Variants in MAPK10 observed in about 807,000 individuals in gnomAD.
MAPK10 encodes JNK3 alpha protein kinase.
A neutral mutation model predicts 59.3 loss-of-function variants in MAPK10; 25 were observed. That is an observed-to-expected ratio of 0.42 (90% CI 0.31 to 0.59). The LOEUF (loss-of-function observed/expected upper bound fraction) is 0.59. MAPK10 is among the 20% of genes least tolerant of loss of function. MAPK10 has a pLI of 0.15. For synonymous variants in MAPK10, 190 were observed against 200.5 expected, an observed-to-expected ratio of 0.95 and a Z score of 0.44; for missense variants, 351 against 568.9, an observed-to-expected ratio of 0.62 and a Z score of 3.90.
chr4:86,120,386 C>T (rs970069388), intron 4 of MAPK10: 2 of 152,174 alleles, frequency 1.3e-5, no homozygotes, highest in Non-Finnish European at 1.5e-5. Context: ...TACTTTACAA[C>T]CCATCAGCAA....
At chr4:86,275,133 A>G (rs932889323) in intron 2 of MAPK10, among the ~76,000 whole-genome samples, 1 of 152,114 alleles carries the variant, frequency 6.6e-6, no homozygotes, top group African/African-American at 2.4e-5. Context: ...GTAACAATTT[A>G]TTCACAGGAT....
intron 4 of MAPK10, among the ~76,000 whole-genome samples, chr4:86,116,770 C>T (rs1265924739): frequency 6.6e-6 from 1 of 152,186 alleles, no homozygotes; most frequent in East Asian, 1.9e-4. Context: ...TTTCCTCATA[C>T]TTAAAATGAA....
chr4:86,381,820 G>A (rs1740757453), intron 1 of MAPK10, among the ~76,000 whole-genome samples: 1 of 152,144 alleles, frequency 6.6e-6, no homozygotes, highest in African/African-American at 2.4e-5. Context: ...ACAGTGGATA[G>A]TGCTTAACAC....
intron 2 of MAPK10, among the ~76,000 whole-genome samples, chr4:86,232,189 G>A: frequency 6.6e-6 from 1 of 152,110 alleles, no homozygotes; most frequent in African/African-American, 2.4e-5. Flanking sequence ...AAAAACAGCT[G>A]GTAGACCAAA....
intron 4 of MAPK10, among the ~76,000 whole-genome samples, chr4:86,150,600 G>A (rs1327245811): frequency 2.6e-5 from 4 of 152,160 alleles, no homozygotes; most frequent in Non-Finnish European, 4.4e-5. Context: ...GGTGGCTCAC[G>A]CCTGTAATCT....
chr4:86,294,584 T>C (rs150754368), intron 2 of MAPK10, among the ~76,000 whole-genome samples: 1 of 150,278 alleles, frequency 6.7e-6, no homozygotes, highest in African/African-American at 2.4e-5. Flanking sequence ...CATTGAAAAA[T>C]AGCCAGAGCA....
intron 1 of MAPK10, among the ~76,000 whole-genome samples, chr4:86,507,419 T>C (rs1303431634): frequency 6.6e-6 from 1 of 151,224 alleles, no homozygotes. Flanking sequence ...AGGGCAATAA[T>C]CATTATCCAC....
At chr4:86,242,040 G>T (rs2869422) in intron 2 of MAPK10, among the ~76,000 whole-genome samples, 21,952 of 151,798 alleles carry the variant, frequency 0.14, 1,575 homozygotes, top group Middle Eastern at 0.2. Flanking sequence ...GTTGTTGTTG[G>T]TGGTGGTGGT....
At position 86,448,929 on chromosome 4, in the gene MAPK10, G is replaced by A. The variant is rs554264948; in HGVS notation, c.-122+4101C>T. On this transcript the variant is annotated intron_variant, in intron 1 of 13. Coordinates refer to the MAPK10 transcript ENST00000361569. ...GATCATCAGGCATTAGATTCTTATA[G>A]GTAGCGTGCAACCAAGATCCCTTGC... Among the ~76,000 whole-genome samples the A allele has an allele frequency of 5.3e-5, 8 of 152,248 alleles. 1 individual carries two copies. The South Asian group carries it at 1.7e-3, about 32-fold the overall frequency.
intron 1 of MAPK10, among the ~76,000 whole-genome samples, chr4:86,506,661 C>T (rs962112780): frequency 2.6e-5 from 4 of 152,102 alleles, no homozygotes; most frequent in Non-Finnish European, 4.4e-5. Context: ...GAAGGCAGCA[C>T]ACAAAGTGTG....
chr4:86,381,354 C>T (rs959366985), intron 1 of MAPK10, among the ~76,000 whole-genome samples: 26 of 152,248 alleles, frequency 1.7e-4, no homozygotes, highest in Middle Eastern at 3.4e-3. Context: ...AACCCTAATC[C>T]AAACCACCAT....
upstream of MAPK10, chr4:86,360,231 C>T (rs941085020): frequency 2.1e-5 from 21 of 985,252 alleles, no homozygotes; most frequent in Non-Finnish European, 2.5e-5. Flanking sequence ...AAATGAGGAC[C>T]AGGCAAATGT....
At chr4:86,423,364 T>C (rs1029714903) in intron 1 of MAPK10, among the ~76,000 whole-genome samples, 11 of 152,228 alleles carry the variant, frequency 7.2e-5, no homozygotes, top group African/African-American at 1.2e-4. Flanking sequence ...CTCTGTTATA[T>C]GCATAATACC....
intron 1 of MAPK10, among the ~76,000 whole-genome samples, chr4:86,374,691 A>C (rs952135151): frequency 2.0e-5 from 3 of 152,248 alleles, no homozygotes; most frequent in Non-Finnish European, 4.4e-5. Flanking sequence ...TTCCGCTATA[A>C]GGAATGTGAC....
At chr4:86,189,120 A>G (rs146079466) in intron 3 of MAPK10, among the ~76,000 whole-genome samples, 2,456 of 152,284 alleles carry the variant, frequency 0.016, 28 homozygotes, top group Non-Finnish European at 0.025. Context: ...TTTTGGTACC[A>G]GCACCATGCT....
chr4:86,026,048 C>G (rs1750011432), intron 13 of MAPK10, among the ~76,000 whole-genome samples: 1 of 152,058 alleles, frequency 6.6e-6, no homozygotes, highest in Non-Finnish European at 1.5e-5. Context: ...AAGACATATT[C>G]CCATGGTGGG....
At chr4:86,290,999 T>C (rs2095208230) in intron 2 of MAPK10, among the ~76,000 whole-genome samples, 1 of 152,148 alleles carries the variant, frequency 6.6e-6, no homozygotes, top group Non-Finnish European at 1.5e-5. Context: ...CAAGGAACAC[T>C]CAGTCTGGTG....
intron 2 of MAPK10, among the ~76,000 whole-genome samples, chr4:86,289,014 T>C (rs184559070): frequency 4.0e-4 from 60 of 151,694 alleles, no homozygotes; most frequent in Non-Finnish European, 8.8e-5. Flanking sequence ...TTTCAGGTGG[T>C]GATGAAGGCT....
chr4:86,198,451 C>T (rs2081901942), intron 2 of MAPK10, among the ~76,000 whole-genome samples: 1 of 152,068 alleles, frequency 6.6e-6, no homozygotes, highest in South Asian at 2.1e-4. Context: ...TAAAGACCCT[C>T]GTATCTGACC....
Sources: gnomAD v4.1 joint callset for allele counts (sites outside exome capture counted in the v4.1 genomes callset) on GRCh38, gnomAD v4.1.1 for gene constraint, MANE v1.5 for transcripts, NCBI Gene and HGNC (gene_info 2026-07-23, HGNC 2026-07-21) for gene names.